The following ANK2 variants were observed in gnomAD, a reference collection of about 807,000 sequenced individuals.
The protein encoded by ANK2 is ankyrin-2.
Under a neutral mutation model 360.5 loss-of-function variants are expected in ANK2, and 83 were observed. The ratio of observed to expected loss-of-function variants is 0.23; its 90% confidence interval spans 0.19 to 0.28. ANK2 has a LOEUF of 0.28. Ranked by LOEUF, ANK2 falls within the 10% of genes least tolerant of loss-of-function variation. ANK2 has a pLI of 1.00. For synonymous variants in ANK2, 1,740 were observed against 1,759.5 expected, an observed-to-expected ratio of 0.99 and a Z score of 0.28; for missense variants, 4,201 against 4,795.7, an observed-to-expected ratio of 0.88 and a Z score of 3.66.
chr4:112,949,247 G>T (rs2094771371), intron 2 of ANK2, among the ~76,000 whole-genome samples: 1 of 152,110 alleles, frequency 6.6e-6, no homozygotes, highest in African/African-American at 2.4e-5. Context: ...CTCCAAAGTG[G>T]TTCACTTGGT....
the ANK2 span, among the ~76,000 whole-genome samples, chr4:112,722,559 C>T: frequency 2.0e-5 from 3 of 152,292 alleles, no homozygotes; most frequent in African/African-American, 7.2e-5. Context: ...TCTACTTTGC[C>T]ATCCTCAGGT....
At chr4:112,723,129 G>A in the ANK2 span, among the ~76,000 whole-genome samples, 1 of 152,158 alleles carries the variant, frequency 6.6e-6, no homozygotes, top group Non-Finnish European at 1.5e-5. Context: ...CACCTACACA[G>A]CTGGAACTAG....
intron 2 of ANK2, among the ~76,000 whole-genome samples, chr4:112,939,355 G>C (rs1204260554): frequency 6.6e-6 from 1 of 152,118 alleles, no homozygotes; most frequent in South Asian, 2.1e-4. Flanking sequence ...TGTTGCCCAG[G>C]CTGGAGTGCA....
chr4:112,812,912 T>A, the ANK2 span, among the ~76,000 whole-genome samples: 1 of 152,140 alleles, frequency 6.6e-6, no homozygotes, highest in Non-Finnish European at 1.5e-5. Context: ...AGAGCCCTGG[T>A]TCTTTTTAGT....
At chr4:112,823,545 C>T (rs563879221) in intron 1 of ANK2, among the ~76,000 whole-genome samples, 5 of 147,224 alleles carry the variant, frequency 3.4e-5, no homozygotes, top group African/African-American at 1.3e-4. Flanking sequence ...TCATTTATTT[C>T]CAAAAGATGT....
intron 1 of ANK2, among the ~76,000 whole-genome samples, chr4:112,825,375 C>T (rs1174149417): frequency 1.3e-5 from 2 of 151,988 alleles, no homozygotes; most frequent in Non-Finnish European, 2.9e-5. Context: ...AAAGACTATC[C>T]ACTGTCCTCA....
chr4:112,724,092 T>C, the ANK2 span, among the ~76,000 whole-genome samples: 1 of 142,800 alleles, frequency 7.0e-6, no homozygotes, highest in Non-Finnish European at 1.5e-5. Flanking sequence ...GGAGACAGAG[T>C]GTCGCTCTGT....
chr4:113,219,996 C>T (rs1359880132), intron 4 of ANK2, among the ~76,000 whole-genome samples: 1 of 152,244 alleles, frequency 6.6e-6, no homozygotes, highest in South Asian at 2.1e-4. Flanking sequence ...TCTAAGATTG[C>T]CTCCTGCCCA....
At chr4:112,836,149 G>A (rs894870642) in intron 1 of ANK2, among the ~76,000 whole-genome samples, 2 of 152,118 alleles carry the variant, frequency 1.3e-5, no homozygotes, top group African/African-American at 4.8e-5. Context: ...ATTGGATCAT[G>A]GGGGCAGTTT....
chr4:113,000,713 T>C (rs2050302681), intron 2 of ANK2, among the ~76,000 whole-genome samples: 1 of 152,186 alleles, frequency 6.6e-6, no homozygotes, highest in Admixed American at 6.5e-5. Flanking sequence ...CAGTTTTTGG[T>C]GAAAGAGTAG....
intron 1 of ANK2, among the ~76,000 whole-genome samples, chr4:113,091,527 C>G (rs4834313): frequency 6.6e-6 from 1 of 152,056 alleles, no homozygotes; most frequent in Non-Finnish European, 1.5e-5. Context: ...AAAAGCAAAA[C>G]GGTCCAAATG....
intron 2 of ANK2, among the ~76,000 whole-genome samples, chr4:112,970,894 A>G (rs1296656526): frequency 6.6e-6 from 1 of 152,194 alleles, no homozygotes; most frequent in Non-Finnish European, 1.5e-5. Context: ...TGCATATGTC[A>G]ATTAGCTTGA....
At chr4:113,211,765 C>T (rs2099024967) in intron 4 of ANK2, among the ~76,000 whole-genome samples, 2 of 152,166 alleles carry the variant, frequency 1.3e-5, no homozygotes, top group South Asian at 4.1e-4. Context: ...CTTCTGATAT[C>T]TGGCTAAATA....
intron 1 of ANK2, among the ~76,000 whole-genome samples, chr4:112,858,768 A>G (rs1201842014): frequency 2.0e-5 from 3 of 152,102 alleles, no homozygotes; most frequent in East Asian, 3.9e-4. Flanking sequence ...TTCTCTTCAC[A>G]TTGTAGGTAG....
intron 2 of ANK2, among the ~76,000 whole-genome samples, chr4:113,028,864 A>G (rs1425133907): frequency 9.2e-5 from 14 of 152,132 alleles, no homozygotes; most frequent in Admixed American, 9.2e-4. Flanking sequence ...AAGACCATCT[A>G]CTTCCATTAC....
At chr4:113,116,150 A>AT (rs2094749279) in intron 1 of ANK2, among the ~76,000 whole-genome samples, 1 of 152,214 alleles carries the variant, frequency 6.6e-6, no homozygotes, top group Non-Finnish European at 1.5e-5. Flanking sequence ...TTGGGTGTAT[A>AT]TACAGCAACA....
rs1303761249 is a variant in ANK2 at position 113,242,555 on chromosome 4, A to C, written c.891+346A>C. Among the ~76,000 whole-genome samples, 3 of 152,220 alleles carry C rather than the reference A, an allele frequency of 2.0e-5. No individual in the cohort carries two copies. The East Asian group carries it at 5.8e-4, about 29-fold the overall frequency. ...GAACCCAAACTAATTACCATACATT[A>C]AGATTGAGAATGTGGCTTTTACACA... On this transcript the variant is annotated intron_variant, in intron 9 of 45. Transcript: ENST00000357077.
intron 1 of ANK2, among the ~76,000 whole-genome samples, chr4:112,893,600 C>T (rs2080833063): frequency 1.3e-5 from 2 of 152,172 alleles, no homozygotes. Flanking sequence ...ATTTATCAAC[C>T]TCTGCATGTT....
chr4:113,264,530 A>T (rs2054810632), intron 13 of ANK2, among the ~76,000 whole-genome samples: 1 of 152,136 alleles, frequency 6.6e-6, no homozygotes, highest in Non-Finnish European at 1.5e-5. Flanking sequence ...TAAAATAAAC[A>T]TTCGTTTTAT....
Sources: gnomAD v4.1 joint callset for allele counts (sites outside exome capture counted in the v4.1 genomes callset) on GRCh38, gnomAD v4.1.1 for gene constraint, MANE v1.5 for transcripts, NCBI Gene and HGNC (gene_info 2026-07-23, HGNC 2026-07-21) for gene names.